Variants in DPP6 observed in about 807,000 individuals in gnomAD.
DPP6 encodes the protein A-type potassium channel modulatory protein DPP6.
A neutral mutation model predicts 122.6 loss-of-function variants in DPP6; 69 were observed. The observed-to-expected ratio is 0.56, with a 90% CI of 0.46 to 0.69. DPP6 has a LOEUF of 0.69. Ranked by LOEUF, DPP6 falls within the 30% of genes least tolerant of loss-of-function variation. The pLI is 0.00. For missense variants in DPP6, 928 were observed against 1,116.9 expected, an observed-to-expected ratio of 0.83 and a Z score of 2.41; for synonymous variants, 418 against 433.1, an observed-to-expected ratio of 0.97 and a Z score of 0.43.
intron 1 of DPP6, among the ~76,000 whole-genome samples, chr7:154,294,489 A>T (rs1805408811): frequency 6.6e-6 from 1 of 152,204 alleles, no homozygotes; most frequent in South Asian, 2.1e-4. Context: ...CAGGGATTGT[A>T]TGAACTGAGC....
chr7:154,504,393 G>C (rs10229171), intron 3 of DPP6, among the ~76,000 whole-genome samples: 39,964 of 152,042 alleles, frequency 0.26, 5,432 homozygotes, highest in Non-Finnish European at 0.29. Context: ...CTTATCGTGA[G>C]TGTAAATTTA....
intron 4 of DPP6, among the ~76,000 whole-genome samples, chr7:154,552,145 A>G (rs1207151368): frequency 6.6e-6 from 1 of 152,226 alleles, no homozygotes; most frequent in Admixed American, 6.5e-5. Flanking sequence ...AGTATTGTGC[A>G]TAAAACCAGC....
intron 1 of DPP6, among the ~76,000 whole-genome samples, chr7:153,917,678 G>A (rs748010639): frequency 6.6e-6 from 1 of 152,166 alleles, no homozygotes; most frequent in Non-Finnish European, 1.5e-5. Flanking sequence ...GCACCTTCTC[G>A]AAGATTCAAA....
At chr7:153,964,606 G>A (rs527373712) in intron 1 of DPP6, among the ~76,000 whole-genome samples, 14 of 152,310 alleles carry the variant, frequency 9.2e-5, no homozygotes, top group Non-Finnish European at 1.5e-4. Flanking sequence ...AGAGGTCTCA[G>A]TGTCCTCACA....
rs899499573 is a variant in DPP6 at position 153,914,861 on chromosome 7, G to T, written c.51+27127G>T. 3.9e-5 allele frequency among the ~76,000 whole-genome samples: 6 copies of T among 152,302 alleles called. No individual in the cohort carries two copies. In the East Asian group the frequency reaches 1.2e-3, roughly 29 times the overall value. ...TACGAATGTTAAACTAGTGTTAGAT[G>T]ATTTTTGTCTATGCTGTGGGGCTCA... On this transcript the variant is annotated intron_variant, in intron 1 of 25. Coordinates refer to the DPP6 transcript ENST00000404039.
At chr7:154,127,730 GC>G (rs1349218483) in intron 1 of DPP6, among the ~76,000 whole-genome samples, 3 of 151,844 alleles carry the variant, frequency 2.0e-5, no homozygotes. Context: ...TGGCATCGTT[GC>G]CCAGCGTTGG....
chr7:154,602,376 G>GA lies in DPP6; in HGVS notation c.628-35437dup, dbSNP rs879440540. ...AGTTTAGAAAATCAACTGTCTTTAA[G>GA]AAAAAAAACAGCTTTATATTTATCT... On this transcript the variant is annotated intron_variant, in intron 5 of 25. Transcript: ENST00000377770. Among the ~76,000 whole-genome samples, 269 of 119,674 alleles carry GA rather than the reference G, an allele frequency of 2.2e-3. 36 individuals carry two copies. The highest frequency in any genetic ancestry group is 6.8e-3 in the African/African-American group (258 of 37,774). 78.5% of individuals were successfully genotyped at this position (119,674 alleles called of 152,430 possible).
Position 153,993,335 on chromosome 7 carries a change from G to A in DPP6, c.51+105601G>A, listed in dbSNP as rs182510924. ...AAACACATCTTTAGGCTGTCCCCCT[G>A]TGTCTTCTTCAAAGTTGACACTGAT... On this transcript the variant is annotated intron_variant, in intron 1 of 25. Coordinates refer to the DPP6 transcript ENST00000404039. 5.3e-5 allele frequency among the ~76,000 whole-genome samples: 8 copies of A among 152,272 alleles called. No homozygotes were observed. In the East Asian group the frequency reaches 1.5e-3, roughly 29 times the overall value.
At chr7:154,270,363 C>A (rs1316073127) in intron 1 of DPP6, among the ~76,000 whole-genome samples, 2 of 152,022 alleles carry the variant, frequency 1.3e-5, no homozygotes, top group Non-Finnish European at 2.9e-5. Context: ...ATAGAAAAAA[C>A]CATTTAGAAT....
At chr7:154,073,480 T>C (rs1803275569) in intron 1 of DPP6, among the ~76,000 whole-genome samples, 1 of 152,400 alleles carries the variant, frequency 6.6e-6, no homozygotes, top group Non-Finnish European at 1.5e-5. Context: ...CTTAGTGTTT[T>C]ATACATCAGT....
chr7:154,032,387 G>T (rs1585205061), intron 1 of DPP6, among the ~76,000 whole-genome samples: 1 of 152,080 alleles, frequency 6.6e-6, no homozygotes, highest in Non-Finnish European at 1.5e-5. Flanking sequence ...GCTTAGAGAG[G>T]TAGCAAAGCG....
intron 1 of DPP6, among the ~76,000 whole-genome samples, chr7:153,889,201 C>G (rs1469512262): frequency 1.3e-5 from 2 of 152,190 alleles, no homozygotes; most frequent in Admixed American, 6.5e-5. Flanking sequence ...TCGCAGTCCT[C>G]GGTCCGTGGG....
At chr7:154,562,136 T>A (rs1263209498) in intron 4 of DPP6, among the ~76,000 whole-genome samples, 1 of 151,902 alleles carries the variant, frequency 6.6e-6, no homozygotes, top group Admixed American at 6.6e-5. Flanking sequence ...ACAAAGAAGT[T>A]AAAAGAAAAT....
intron 1 of DPP6, among the ~76,000 whole-genome samples, chr7:154,355,709 G>C (rs560891877): frequency 1.3e-5 from 2 of 152,026 alleles, no homozygotes; most frequent in Non-Finnish European, 2.9e-5. Flanking sequence ...CTGTTCCCCT[G>C]GTTTGTTTAC....
intron 1 of DPP6, among the ~76,000 whole-genome samples, chr7:154,042,211 T>C (rs1799802926): frequency 6.6e-6 from 1 of 152,098 alleles, no homozygotes; most frequent in Admixed American, 6.5e-5. Context: ...AAAAATAATC[T>C]TTGCCACAGC....
chr7:154,622,308 A>G (rs1834742654), intron 5 of DPP6, among the ~76,000 whole-genome samples: 1 of 152,326 alleles, frequency 6.6e-6, no homozygotes, highest in Middle Eastern at 3.4e-3. Flanking sequence ...ACGGAATCAC[A>G]TATGCCAGAT....
intron 16 of DPP6, among the ~76,000 whole-genome samples, chr7:154,815,626 T>A (rs1411095154): frequency 6.6e-6 from 1 of 152,216 alleles, no homozygotes; most frequent in African/African-American, 2.4e-5. Flanking sequence ...ATTTGGTGCT[T>A]CCTACTGAAA....
intron 1 of DPP6, among the ~76,000 whole-genome samples, chr7:154,064,462 A>G (rs867879057): frequency 6.6e-6 from 1 of 152,166 alleles, no homozygotes; most frequent in African/African-American, 2.4e-5. Flanking sequence ...TCAGTGATAG[A>G]CACATTCCAC....
intron 5 of DPP6, among the ~76,000 whole-genome samples, chr7:154,589,696 T>C (rs2130721712): frequency 6.6e-6 from 1 of 152,326 alleles, no homozygotes; most frequent in South Asian, 2.1e-4. Context: ...GGCTACCCTA[T>C]TGGGCAGTAC....
Sources: allele counts gnomAD v4.1 joint callset (sites outside exome capture counted in the v4.1 genomes callset), GRCh38; gene constraint gnomAD v4.1.1; transcripts MANE v1.5; gene names NCBI Gene and HGNC (gene_info 2026-07-23, HGNC 2026-07-21).